The following PATL1 variants were observed in gnomAD, a reference collection of about 807,000 sequenced individuals.
The protein encoded by PATL1 is protein PAT1 homolog 1.
Under a neutral mutation model 100.6 loss-of-function variants are expected in PATL1, and 32 were observed. The observed-to-expected ratio is 0.32, with a 90% CI of 0.24 to 0.43. The LOEUF (loss-of-function observed/expected upper bound fraction) is 0.43. Ranked by LOEUF, PATL1 falls within the 20% of genes least tolerant of loss-of-function variation. PATL1 has a pLI of 1.00. For synonymous variants in PATL1, 332 were observed against 330.0 expected (o/e 1.01, Z -0.07); for missense variants, 747 against 949.9 (o/e 0.79, Z 2.81).
At chr11:59,651,480 G>A in intron 12 of PATL1, 64 bp downstream of exon 12, 2 of 1,300,238 alleles carry the variant, frequency 1.5e-6, no homozygotes, top group South Asian at 2.5e-5. Flanking sequence ...TCATTCCATG[G>A]TGACCCCAAA....
rs566946928 is a variant in PATL1, at chr11:59,657,696, T to G, written c.455A>C (p.Tyr152Ser). ...CTGGGGGGGCCTCTGAGGCAAAGCA[T>G]ATTCTAATACAGACACTGTAGGCAT... ...QEMPTVSVLE[Y>S]ALPQRPPQGP... is the part of the protein sequence containing the mutation. The change falls in exon 5 of 19, where the codon TAT becomes TCT. Residue 152 changes from tyrosine (Y) to serine (S), a missense_variant. By Grantham distance (144) the Tyr-to-Ser change is moderately radical (BLOSUM62 -2). Around this residue, in one of 4 missense-constraint regions of PATL1, gnomAD observed 183 missense variants for 221.2 expected, o/e 0.83. Coordinates refer to ENST00000300146, the MANE Select transcript of PATL1 (RefSeq NM_152716.3). 6.2e-7 allele frequency: 1 copy of G among 1,613,334 alleles called. No individual in the cohort carries two copies. The highest frequency in any genetic ancestry group is 1.1e-5 in the South Asian group (1 of 91,050).
chr11:59,658,045 TCTCAGCTA>T (rs1380290768), intron 4 of PATL1, among the ~76,000 whole-genome samples: 3 of 151,720 alleles, frequency 2.0e-5, no homozygotes, highest in Non-Finnish European at 4.4e-5. Flanking sequence ...GCACCTGTAG[TCTCAGCTA>T]CTCAAGAGGC....
chr11:59,639,473 C>G, intron 16 of PATL1, 90 bp from the exon 17 acceptor site: 1 of 977,052 alleles, frequency 1.0e-6, no homozygotes, highest in Non-Finnish European at 1.6e-6. Context: ...AGATGGGGAA[C>G]AGCTCTAAAT....
At position 59,654,205 on chromosome 11, in the gene PATL1, G is replaced by A. The variant is rs777631737; in HGVS notation, c.1032-133C>T. ...ACAAAAGTCTATTCGGGATGGGTGC[G>A]GTGACTCACGCCTGTAATCCTAGCA... On this transcript the variant is annotated intron_variant, in intron 8 of 18. Coordinates refer to ENST00000300146, the MANE Select transcript of PATL1 (RefSeq NM_152716.3). The A allele has an allele frequency of 9.3e-5, 67 of 723,784 alleles. 1 individual carries two copies. The highest frequency in any genetic ancestry group is 3.3e-4 in the South Asian group (20 of 60,066). 44.8% of individuals were successfully genotyped at this position (723,784 alleles called of 1,614,324 possible). A position where few individuals can be genotyped will look rare whatever the true frequency, so the allele number is the denominator to read the frequency against.
intron 8 of PATL1, 43 bp from the exon 9 acceptor site, chr11:59,654,115 T>C (rs1861487627): frequency 6.6e-7 from 1 of 1,505,938 alleles, no homozygotes; most frequent in East Asian, 2.3e-5. Context: ...GTCATCCTGA[T>C]GACTTGAAAT....
intron 5 of PATL1, among the ~76,000 whole-genome samples, 152 bp from the exon 6 acceptor site, chr11:59,656,752 C>A (rs751314378): frequency 4.0e-4 from 61 of 152,178 alleles, no homozygotes; most frequent in Non-Finnish European, 7.8e-4. Flanking sequence ...AAATACAGAA[C>A]CTTGGGCCAC....
rs372580788 is a variant in PATL1 at position 59,653,102 on chromosome 11, T to G, written c.1122-84A>C. ...CAGAGGAATAAACCAGGCCAGTTTT[T>G]TTTTTTTTTTTTAAAGATTCCCGTT... is the stretch of plus-strand genomic sequence containing the variant. On this transcript the variant is annotated intron_variant, in intron 9 of 18. Coordinates refer to ENST00000300146, the MANE Select transcript of PATL1 (RefSeq NM_152716.3). 1.4e-5 allele frequency: 18 copies of G among 1,254,082 alleles called. No homozygotes were observed. The Middle Eastern group carries it at 6.1e-4, about 43-fold the overall frequency. The allele number at this position is 1,254,082 out of a possible 1,614,324, so 77.7% of individuals were successfully genotyped here. A position where few individuals can be genotyped will look rare whatever the true frequency, so the allele number is the denominator to read the frequency against.
chr11:59,669,012 C>T lies in PATL1; in HGVS notation c.-117G>A, dbSNP rs1590707581. On this transcript the variant is annotated 5_prime_UTR_variant, in exon 1 of 19. Transcript: ENST00000300146. ...CCGGCTCGCGACCCCTGGCCGCCGC[C>T]GTACGCCGGAGCGTGCGTGGGGACG... The T allele has an allele frequency of 3.8e-6, 1 of 260,590 alleles. No individual in the cohort carries two copies. The highest frequency in any genetic ancestry group is 1.4e-4 in the South Asian group (1 of 7,352). 16.1% of individuals were successfully genotyped at this position (260,590 alleles called of 1,614,324 possible). A position where few individuals can be genotyped will look rare whatever the true frequency, so the allele number is the denominator to read the frequency against.
rs371572488 is a variant in PATL1 at position 59,656,565 on chromosome 11, T to C, written c.657A>G (p.Pro219=). Residue 219 remains proline, a synonymous_variant, in exon 6 of 19, where the codon CCA becomes CCG. Coordinates refer to ENST00000300146, the MANE Select transcript of PATL1 (RefSeq NM_152716.3). ...LCPKPVHVRP[P]MPPRYPAPYG... The stretch of plus-strand genomic sequence containing the variant: ...AGGGAGCAGGATAACGAGGTGGCAT[T>C]GGGGGCCGAACATGGACAGGCTTCG... The C allele has an allele frequency of 3.7e-6, 6 of 1,613,974 alleles. No individual in the cohort carries two copies. The highest frequency in any genetic ancestry group is 2.2e-5 in the East Asian group (1 of 44,876).
chr11:59,655,113 C>A (rs2134752284), intron 8 of PATL1, among the ~76,000 whole-genome samples: 1 of 152,258 alleles, frequency 6.6e-6, no homozygotes, highest in South Asian at 2.1e-4. Context: ...TAAAATAAAA[C>A]CTGCTCACAT....
At chr11:59,653,865 G>A in intron 9 of PATL1, 118 bp downstream of exon 9, 1 of 804,086 alleles carries the variant, frequency 1.2e-6, no homozygotes, top group Non-Finnish European at 2.0e-6. Flanking sequence ...ATACATCCAG[G>A]TTTATGGATA....
At chr11:59,652,712 G>A in intron 10 of PATL1, 125 bp from the exon 11 acceptor site, 1 of 1,506,558 alleles carries the variant, frequency 6.6e-7, no homozygotes, top group East Asian at 2.3e-5. Context: ...ATAGTGAATA[G>A]TGCAAGATGC....
At chr11:59,651,854 C>T (rs543228308) in intron 11 of PATL1, among the ~76,000 whole-genome samples, 1 of 151,734 alleles carries the variant, frequency 6.6e-6, no homozygotes, top group Admixed American at 6.6e-5. Flanking sequence ...CACTTGAGGC[C>T]AGGAGTCCGA....
At chr11:59,643,161 T>G in intron 15 of PATL1, 126 bp from the exon 16 acceptor site, 1 of 976,462 alleles carries the variant, frequency 1.0e-6, no homozygotes, top group Non-Finnish European at 1.5e-6. Context: ...CTGGCAGATA[T>G]GACTAGAGTC....
At position 59,668,312 on chromosome 11, in the gene PATL1, C is replaced by G. The variant is rs193003668; in HGVS notation, c.15+569G>C. On this transcript the variant is annotated intron_variant, in intron 1 of 18. Transcript: ENST00000300146. ...TTCTCCAAACCCGCGTCTCCCAGCACTAGCCCAGAAGGAACTTCTGCAGGA... is the reference window on the plus strand; with the variant it reads ...TTCTCCAAACCCGCGTCTCCCAGCAGTAGCCCAGAAGGAACTTCTGCAGGA... Among the ~76,000 whole-genome samples, 671 of 152,308 alleles carry G rather than the reference C, an allele frequency of 4.4e-3. 8 individuals carry two copies. The highest frequency in any genetic ancestry group is 3.4e-3 in the Non-Finnish European group (233 of 68,028).
chr11:59,658,957 A>G lies in PATL1; in HGVS notation c.346-11T>C, dbSNP rs149271499. On this transcript the variant is annotated splice_polypyrimidine_tract_variant and intron_variant, in intron 3 of 18. Coordinates refer to ENST00000300146, the MANE Select transcript of PATL1 (RefSeq NM_152716.3). ...ACTTCCTGGTTGGGGCTAACAAAAA[A>G]GGAAAACATACAGAGTCTGAAATGT... 1.3e-6 allele frequency: 2 copies of G among 1,543,808 alleles called. No individual in the cohort carries two copies. Among genetic ancestry groups the G allele is most frequent in the East Asian group, 2.5e-5 (1 of 40,816 alleles).
chr11:59,657,277 A>G (rs1445373790), intron 5 of PATL1: 12 of 493,892 alleles, frequency 2.4e-5, no homozygotes, highest in Non-Finnish European at 3.1e-5. Context: ...ACACTTCAAA[A>G]AGGATATATG....
At chr11:59,640,604 C>T (rs1345761113) in intron 16 of PATL1, among the ~76,000 whole-genome samples, 1 of 151,978 alleles carries the variant, frequency 6.6e-6, no homozygotes, top group South Asian at 2.1e-4. Flanking sequence ...CCTGTAGTCC[C>T]AGCTACTCGG....
chr11:59,641,079 G>A (rs1861271170), intron 16 of PATL1, among the ~76,000 whole-genome samples: 3 of 152,092 alleles, frequency 2.0e-5, no homozygotes, highest in Non-Finnish European at 4.4e-5. Flanking sequence ...GCTGACGCAG[G>A]AGAACTGCTT....
Sources: gnomAD v4.1 joint callset for allele counts (sites outside exome capture counted in the v4.1 genomes callset) on GRCh38, gnomAD v4.1.1 for gene constraint, gnomAD v4.1.1 regional missense constraint, MANE v1.5 for transcripts, NCBI Gene and HGNC (gene_info 2026-07-23, HGNC 2026-07-21) for gene names.